TJP3: variants seen among roughly 807,000 people sequenced by gnomAD.
TJP3 encodes tight junction protein ZO-3.
In TJP3, 85 loss-of-function variants were observed where a neutral mutation model predicts 104.2. That is an observed-to-expected ratio of 0.82 (90% CI 0.68 to 0.98). The LOEUF (loss-of-function observed/expected upper bound fraction) is 0.98, where lower values mean the gene tolerates loss of function less well. Among genes scored for constraint, TJP3 ranks in the 50% least tolerant of loss-of-function variants. The pLI is 0.00. For synonymous variants in TJP3, 550 were observed against 550.6 expected (o/e 1.00, Z 0.02); for missense variants, 1,367 against 1,322.8 (o/e 1.03, Z -0.52).
chr19:3,736,362 G>A (rs371251739), intron 11 of TJP3, 41 bp downstream of exon 11: 124 of 1,485,950 alleles, frequency 8.3e-5, no homozygotes, highest in African/African-American at 3.4e-4. Flanking sequence ...GATCATGGGC[G>A]TGCAGTGTGC....
intron 1 of TJP3, among the ~76,000 whole-genome samples, chr19:3,728,148 G>C (rs1018996882): frequency 2.0e-5 from 3 of 151,836 alleles, no homozygotes; most frequent in Non-Finnish European, 4.4e-5. Flanking sequence ...GCTGAGGCAG[G>C]AGAATCGCTT....
At chr19:3,724,324 T>C (rs1292459979) in intron 1 of TJP3, among the ~76,000 whole-genome samples, 3 of 150,718 alleles carry the variant, frequency 2.0e-5, no homozygotes, top group Admixed American at 1.3e-4. Context: ...GCCTCCTGAG[T>C]AGCTGGGACT....
rs1237422669 is a variant in TJP3, at chr19:3,738,933, CCTT to C, written c.1433_1435del (p.Phe478del). On this transcript the variant is annotated inframe_deletion, in exon 13 of 21. Transcript: ENST00000541714. ...ATGGTGCAGTCCCGCGTGGGTGACT[CCTT>C]CTACATCCGCACTCACTTTGAGCTG... is the stretch of plus-strand genomic sequence containing the variant. The C allele has an allele frequency of 3.1e-6, 5 of 1,611,272 alleles. No individual in the cohort carries two copies. Among genetic ancestry groups the C allele is most frequent in the East Asian group, 2.2e-5 (1 of 44,804 alleles).
At chr19:3,728,862 G>A (rs1185133017) in intron 3 of TJP3, 149 bp downstream of exon 3, 4 of 782,370 alleles carry the variant, frequency 5.1e-6, no homozygotes, top group Non-Finnish European at 8.1e-6. Context: ...AGACCAGCCT[G>A]GCCAACATGG....
intron 19 of TJP3, 115 bp from the exon 20 acceptor site, chr19:3,750,023 G>A (rs1295707301): frequency 7.6e-7 from 1 of 1,315,280 alleles, no homozygotes; most frequent in East Asian, 2.3e-5. Flanking sequence ...CACGGGGTTA[G>A]CAAGTGGGCA....
At chr19:3,740,888 C>G in intron 14 of TJP3, 125 bp downstream of exon 14, 1 of 920,690 alleles carries the variant, frequency 1.1e-6, no homozygotes, top group Non-Finnish European at 1.5e-6. Flanking sequence ...CGCCTATAAT[C>G]CCAACACTTT....
chr19:3,731,994 G>C lies in TJP3; in HGVS notation c.673G>C (p.Ala225Pro). The C allele has an allele frequency of 6.2e-7, 1 of 1,613,480 alleles. No individual in the cohort carries two copies. Among genetic ancestry groups the C allele is most frequent in the Non-Finnish European group, 8.5e-7 (1 of 1,179,848 alleles). Residue 225 changes from alanine (A) to proline (P), a missense_variant, in exon 6 of 21, where the codon GCT becomes CCT. By Grantham distance (27) the Ala-to-Pro change is conservative. Transcript: ENST00000541714. ...CAAGCACATTACAGATTCGGGCCTGGCTGCCCGGCACCGTGGGCTGCAGGA... is the reference window on the plus strand; with the variant it reads ...CAAGCACATTACAGATTCGGGCCTGCCTGCCCGGCACCGTGGGCTGCAGGA... ...FIKHITDSGL[A>P]ARHRGLQEGD...
intron 1 of TJP3, chr19:3,721,705 C>T: frequency 2.7e-6 from 1 of 369,694 alleles, no homozygotes; most frequent in South Asian, 1.5e-4. Context: ...CGGGGCTGAC[C>T]CGAGACCTGG....
At chr19:3,748,567 CT>C (rs754151380) in intron 19 of TJP3, among the ~76,000 whole-genome samples, 1,391 of 107,898 alleles carry the variant, frequency 0.013, 8 homozygotes, top group African/African-American at 0.043. Context: ...TGCACCCAGG[CT>C]TTTTTTTTTT....
chr19:3,740,181 G>A (rs909713127), intron 13 of TJP3, among the ~76,000 whole-genome samples: 22 of 151,954 alleles, frequency 1.4e-4, no homozygotes, highest in African/African-American at 5.3e-4. Flanking sequence ...GCAGTGAGCA[G>A]AGATTGCACC....
chr19:3,725,509 T>C (rs759608602), intron 1 of TJP3, among the ~76,000 whole-genome samples: 14 of 151,548 alleles, frequency 9.2e-5, no homozygotes, highest in Non-Finnish European at 1.6e-4. Flanking sequence ...CTGACCAACA[T>C]GGTGAAACCC....
At chr19:3,716,795 ATATATATT>A (rs1368149911) in intron 1 of TJP3, among the ~76,000 whole-genome samples, 88 of 66,790 alleles carry the variant, frequency 1.3e-3, no homozygotes, top group African/African-American at 4.0e-3. Flanking sequence ...ATATATATAT[ATATATATT>A]TTTTTTTTTT....
In TJP3 at chr19:3,731,375, G is replaced by C. The variant is rs1464515551; in HGVS notation, c.614-560G>C. ...TGGCTGAGTGTGGTGGCTGATGCCT[G>C]TAATCCCAGCACTTTGGGAGGCCAA... On this transcript the variant is annotated intron_variant, in intron 5 of 20. Coordinates refer to ENST00000541714, the MANE Select transcript of TJP3 (RefSeq NM_001267560.2). Among the ~76,000 whole-genome samples the C allele has an allele frequency of 2.6e-5, 4 of 152,190 alleles. No homozygotes were observed. In the South Asian group the frequency reaches 8.3e-4, roughly 31 times the overall value.
At chr19:3,728,523 G>A (rs372171557) in intron 2 of TJP3, 43 bp downstream of exon 2, 97 of 1,600,748 alleles carry the variant, frequency 6.1e-5, no homozygotes, top group Non-Finnish European at 7.0e-5. Flanking sequence ...AGAGTATGGC[G>A]GCTTAGGCCC....
At chr19:3,734,541 C>T in intron 8 of TJP3, 106 bp downstream of exon 8, 1 of 1,001,716 alleles carries the variant, frequency 1.0e-6, no homozygotes, top group Non-Finnish European at 1.4e-6. Flanking sequence ...CTTGAGGACG[C>T]AGTCCTGTAT....
intron 1 of TJP3, among the ~76,000 whole-genome samples, chr19:3,716,780 CATAT>C (rs1255662392): frequency 3.3e-4 from 34 of 103,280 alleles, no homozygotes; most frequent in East Asian, 7.2e-4. Context: ...CCAGCTCATA[CATAT>C]ATATATATAT....
At chr19:3,724,846 C>T (rs1387895606) in intron 1 of TJP3, among the ~76,000 whole-genome samples, 1 of 151,588 alleles carries the variant, frequency 6.6e-6, no homozygotes, top group Non-Finnish European at 1.5e-5. Flanking sequence ...GCCCTGGGGC[C>T]ATTTAATGAC....
In TJP3 at chr19:3,746,718, G is replaced by A. The variant is rs766161556; in HGVS notation, c.2221+23G>A. The A allele has an allele frequency of 2.5e-6, 4 of 1,602,714 alleles. No homozygotes were observed. The highest frequency in any genetic ancestry group is 3.4e-6 in the Non-Finnish European group (4 of 1,174,674). On this transcript the variant is annotated intron_variant, in intron 17 of 20. Coordinates refer to ENST00000541714, the MANE Select transcript of TJP3 (RefSeq NM_001267560.2). This position sits in a 1 kb window ranked among gnomAD's most constrained non-coding sequence, Gnocchi z 4.1. ...CAGGTTGGGGGGTGGGTGTCCCAGG[G>A]TAGGCGGGTGGGCCCCAGCCTGAGT...
chr19:3,730,806 TGGTGGCTG>T lies in TJP3; in HGVS notation c.613+103_613+110del. 1 of 1,317,182 alleles carries T rather than the reference TGGTGGCTG, an allele frequency of 7.6e-7. No homozygotes were observed. The highest frequency in any genetic ancestry group is 1.0e-6 in the Non-Finnish European group (1 of 982,462). 81.6% of individuals were successfully genotyped at this position (1,317,182 alleles called of 1,614,324 possible). On this transcript the variant is annotated intron_variant, in intron 5 of 20. Transcript: ENST00000541714. This position sits in a 1 kb window ranked among gnomAD's most constrained non-coding sequence, Gnocchi z 7.3. ...AGTGATTCTCCTGCCTCAGCCTCCC[TGGTGGCTG>T]GGACTCCAGGCGCCCGCCACCATGC...
Sources: allele counts gnomAD v4.1 joint callset (sites outside exome capture counted in the v4.1 genomes callset), GRCh38; gene constraint gnomAD v4.1.1; non-coding constraint Gnocchi (gnomAD v3.1); transcripts MANE v1.5; gene names NCBI Gene and HGNC (gene_info 2026-07-23, HGNC 2026-07-21).